The following GRIA2 variants were observed in gnomAD, a reference collection of about 807,000 sequenced individuals.
GRIA2 encodes glutamate receptor 2.
A neutral mutation model predicts 97.3 loss-of-function variants in GRIA2; 14 were observed. That is an observed-to-expected ratio of 0.14 (90% CI 0.10 to 0.23). The LOEUF (loss-of-function observed/expected upper bound fraction) is 0.23. GRIA2 is among the 10% of genes least tolerant of loss of function. The pLI is 1.00. For missense variants in GRIA2, 558 were observed against 1,069.8 expected, an observed-to-expected ratio of 0.52 and a Z score of 6.67; for synonymous variants, 412 against 387.8, an observed-to-expected ratio of 1.06 and a Z score of -0.73.
intron 2 of GRIA2, among the ~76,000 whole-genome samples, chr4:157,302,284 C>A (rs924020308): frequency 2.0e-5 from 3 of 151,708 alleles, no homozygotes; most frequent in Non-Finnish European, 2.9e-5. Flanking sequence ...CAGTCTTGGA[C>A]AAAGTAACCC....
At chr4:157,352,490 G>A (rs1359621191) in intron 12 of GRIA2, among the ~76,000 whole-genome samples, 4 of 152,040 alleles carry the variant, frequency 2.6e-5, no homozygotes, top group Non-Finnish European at 5.9e-5. Context: ...GGCCAAGGCA[G>A]GTGGATCACG....
intron 2 of GRIA2, among the ~76,000 whole-genome samples, chr4:157,236,200 T>A (rs1730238206): frequency 6.6e-6 from 1 of 152,066 alleles, no homozygotes; most frequent in African/African-American, 2.4e-5. Flanking sequence ...ATTTAGCTTC[T>A]TGTGGTCTTT....
At chr4:157,315,457 A>G (rs1044514917) in intron 4 of GRIA2, among the ~76,000 whole-genome samples, 4 of 151,164 alleles carry the variant, frequency 2.6e-5, no homozygotes. Context: ...AGCACTCCTT[A>G]TTGCAACAGT....
chr4:157,355,923 T>TTATATATGAA (rs1736291209), intron 12 of GRIA2, among the ~76,000 whole-genome samples: 1 of 67,092 alleles, frequency 1.5e-5, no homozygotes, highest in African/African-American at 6.7e-5. Flanking sequence ...ATTAATATAT[T>TTATATATGAA]TATATATATT....
At chr4:157,235,993 A>C (rs1730228303) in intron 2 of GRIA2, among the ~76,000 whole-genome samples, 3 of 152,038 alleles carry the variant, frequency 2.0e-5, no homozygotes, top group Admixed American at 1.3e-4. Flanking sequence ...GTCTCTTGTT[A>C]AAACAGATTT....
chr4:157,312,934 A>G (rs958582717), intron 4 of GRIA2, 59 bp downstream of exon 4: 11 of 1,001,624 alleles, frequency 1.1e-5, no homozygotes, highest in Non-Finnish European at 3.0e-6. Context: ...CAATGTCAGC[A>G]TTTGCAATGT....
intron 2 of GRIA2, among the ~76,000 whole-genome samples, chr4:157,281,994 G>T (rs1324217195): frequency 3.3e-5 from 5 of 152,090 alleles, no homozygotes; most frequent in African/African-American, 1.2e-4. Context: ...GGTTCACTAA[G>T]TACATTTCCA....
At chr4:157,350,291 T>C (rs1735950213) in intron 12 of GRIA2, among the ~76,000 whole-genome samples, 1 of 152,170 alleles carries the variant, frequency 6.6e-6, no homozygotes, top group Non-Finnish European at 1.5e-5. Flanking sequence ...AATTATTATA[T>C]TTTCAAACCC....
chr4:157,335,850 T>C lies in GRIA2; in HGVS notation c.1446T>C (p.Asn482=), dbSNP rs1283925505. Residue 482 remains asparagine (N), a synonymous_variant, in exon 10 of 16, where the codon AAT becomes AAC. Coordinates refer to ENST00000264426, the MANE Select transcript of GRIA2 (RefSeq NM_001083619.3). The part of the protein sequence containing the change: ...GARDADTKIW[N]GMVGELVYGK... ...GGGATGCAGACACGAAAATTTGGAA[T>C]GGGATGGTTGGAGAACTTGTATATG... The C allele has an allele frequency of 1.2e-6, 2 of 1,610,026 alleles. No individual in the cohort carries two copies. Among genetic ancestry groups the C allele is most frequent in the Non-Finnish European group, 1.7e-6 (2 of 1,177,252 alleles).
intron 2 of GRIA2, among the ~76,000 whole-genome samples, chr4:157,263,940 T>C (rs941513091): frequency 6.6e-6 from 1 of 152,108 alleles, no homozygotes; most frequent in East Asian, 1.9e-4. Context: ...CCTTTCCTCA[T>C]TTTTGAACTT....
intron 3 of GRIA2, among the ~76,000 whole-genome samples, chr4:157,307,114 A>C (rs1733879548): frequency 6.6e-6 from 1 of 152,186 alleles, no homozygotes; most frequent in Admixed American, 6.5e-5. Context: ...GTTAATTATA[A>C]TGTCTAAATT....
At chr4:157,288,856 T>C (rs1732964114) in intron 2 of GRIA2, among the ~76,000 whole-genome samples, 1 of 151,850 alleles carries the variant, frequency 6.6e-6, no homozygotes, top group Non-Finnish European at 1.5e-5. Flanking sequence ...AGGAAATAAA[T>C]ATTTTAAAAT....
At chr4:157,302,674 G>C (rs1251633366) in intron 2 of GRIA2, among the ~76,000 whole-genome samples, 1 of 152,146 alleles carries the variant, frequency 6.6e-6, no homozygotes, top group Non-Finnish European at 1.5e-5. Flanking sequence ...AGTATATACT[G>C]TCAGTGAACT....
intron 3 of GRIA2, 29 bp downstream of exon 3, chr4:157,303,820 A>T: frequency 6.2e-7 from 1 of 1,607,980 alleles, no homozygotes; most frequent in East Asian, 2.2e-5. Context: ...TCTCTTTGTA[A>T]TGGGGCGAAT....
At chr4:157,277,917 T>A (rs868791217) in intron 2 of GRIA2, among the ~76,000 whole-genome samples, 1 of 147,190 alleles carries the variant, frequency 6.8e-6, no homozygotes, top group Admixed American at 6.9e-5. Context: ...TATGTATATA[T>A]ATGTATATAT....
Position 157,362,869 on chromosome 4 carries a change from T to C in GRIA2, c.2477T>C (p.Leu826Ser). The C allele has an allele frequency of 6.2e-7, 1 of 1,613,510 alleles. No homozygotes were observed. The highest frequency in any genetic ancestry group is 8.5e-7 in the Non-Finnish European group (1 of 1,179,636). Residue 826 changes from leucine to serine, a missense_variant, in exon 15 of 16, where the codon TTG becomes TCG. This residue lies in a region of GRIA2 where 54 missense variants were observed against 82.1 expected (regional missense o/e 0.66). Transcript: ENST00000264426. ...TACATCCTTGTCGGGGGCCTTGGTTTGGCAATGCTGGTGGCTTTGATTGAG... is the reference window on the plus strand; with the variant it reads ...TACATCCTTGTCGGGGGCCTTGGTTCGGCAATGCTGGTGGCTTTGATTGAG... ...VFYILVGGLG[L>S]AMLVALIEFC...
intron 11 of GRIA2, among the ~76,000 whole-genome samples, chr4:157,340,722 T>A (rs1053790717): frequency 6.6e-6 from 1 of 152,012 alleles, no homozygotes; most frequent in Admixed American, 6.6e-5. Context: ...TCTCCTGTAC[T>A]GTATCTAATA....
chr4:157,257,715 A>G (rs1452907444), intron 2 of GRIA2, among the ~76,000 whole-genome samples: 1 of 152,108 alleles, frequency 6.6e-6, no homozygotes, highest in East Asian at 1.9e-4. Flanking sequence ...AAATAATTTT[A>G]TCCAGCACAA....
intron 2 of GRIA2, among the ~76,000 whole-genome samples, chr4:157,281,313 C>T (rs1211967238): frequency 6.6e-6 from 1 of 152,070 alleles, no homozygotes; most frequent in East Asian, 1.9e-4. Flanking sequence ...GCTCTCTGCT[C>T]CACTTGGTCC....
Sources: allele counts gnomAD v4.1 joint callset (sites outside exome capture counted in the v4.1 genomes callset), GRCh38; gene constraint gnomAD v4.1.1; regional missense constraint gnomAD v4.1.1; transcripts MANE v1.5; gene names NCBI Gene and HGNC (gene_info 2026-07-23, HGNC 2026-07-21).